Variants in MRPS27 observed in about 807,000 individuals in gnomAD.
The protein encoded by MRPS27 is mitochondrial ribosomal protein S27, also known as small ribosomal subunit protein mS27.
A neutral mutation model predicts 48.9 loss-of-function variants in MRPS27; 43 were observed. The observed-to-expected ratio is 0.88, with a 90% CI of 0.69 to 1.13. MRPS27 has a LOEUF of 1.13. Among genes scored for constraint, MRPS27 ranks in the 50% most tolerant of loss-of-function variants. MRPS27 has a pLI of 0.00. For synonymous variants in MRPS27, 188 were observed against 171.9 expected (o/e 1.09, Z -0.73); for missense variants, 467 against 476.3 (o/e 0.98, Z 0.18).
At chr5:72,260,072 C>T (rs61679621) in intron 4 of MRPS27, among the ~76,000 whole-genome samples, 16,523 of 152,058 alleles carry the variant, frequency 0.11, 2,096 homozygotes, top group African/African-American at 0.31. Flanking sequence ...CATTGTTTAA[C>T]CAGTTTAATA....
chr5:72,242,917 T>C (rs1748400221), intron 4 of MRPS27, among the ~76,000 whole-genome samples: 1 of 152,196 alleles, frequency 6.6e-6, no homozygotes, highest in Non-Finnish European at 1.5e-5. Flanking sequence ...GCCCAGCAGC[T>C]CACAGCTCCA....
chr5:72,243,565 T>G (rs1748421802), intron 4 of MRPS27, among the ~76,000 whole-genome samples: 2 of 152,176 alleles, frequency 1.3e-5, no homozygotes, highest in South Asian at 4.1e-4. Context: ...GCTTGGGATC[T>G]CAGATTCTTA....
chr5:72,276,756 G>A (rs961471613), intron 4 of MRPS27, among the ~76,000 whole-genome samples: 4 of 151,768 alleles, frequency 2.6e-5, no homozygotes, highest in Non-Finnish European at 5.9e-5. Context: ...AAAGCGCCAG[G>A]CGTGGTGGCT....
intron 7 of MRPS27, chr5:72,228,942 CAGGGTGCAA>C (rs1747975412): frequency 6.6e-6 from 1 of 152,190 alleles, no homozygotes; most frequent in African/African-American, 2.4e-5. Context: ...TCTTTCAGCC[CAGGGTGCAA>C]AATTACGCTT....
At chr5:72,289,443 C>T (rs1749761364) in intron 4 of MRPS27, among the ~76,000 whole-genome samples, 1 of 149,932 alleles carries the variant, frequency 6.7e-6, no homozygotes, top group Admixed American at 6.6e-5. Flanking sequence ...TTTTTTGAGA[C>T]AGGGGTCTCA....
chr5:72,264,554 T>A (rs767142309), intron 4 of MRPS27, among the ~76,000 whole-genome samples: 3 of 152,058 alleles, frequency 2.0e-5, no homozygotes, highest in African/African-American at 4.8e-5. Flanking sequence ...TAAGATGAGG[T>A]CTTTGGAGGG....
chr5:72,277,336 C>T (rs993229350), intron 4 of MRPS27, among the ~76,000 whole-genome samples: 4 of 152,068 alleles, frequency 2.6e-5, no homozygotes, highest in African/African-American at 9.7e-5. Flanking sequence ...CCAGAAATAC[C>T]ATTTGACCCA....
At chr5:72,231,245 G>C (rs1046852875) in intron 7 of MRPS27, among the ~76,000 whole-genome samples, 1 of 152,042 alleles carries the variant, frequency 6.6e-6, no homozygotes, top group Non-Finnish European at 1.5e-5. Flanking sequence ...TGCTCACTAA[G>C]TTTTCTGCCA....
At chr5:72,282,342 T>C (rs1219613971) in intron 4 of MRPS27, among the ~76,000 whole-genome samples, 1 of 152,210 alleles carries the variant, frequency 6.6e-6, no homozygotes, top group African/African-American at 2.4e-5. Context: ...TACCAGTTTC[T>C]GAAACGATCT....
At chr5:72,285,278 C>T (rs1171426030) in intron 4 of MRPS27, among the ~76,000 whole-genome samples, 1 of 152,194 alleles carries the variant, frequency 6.6e-6, no homozygotes, top group East Asian at 1.9e-4. Flanking sequence ...AACACTTGCT[C>T]CTGTTTCCTC....
At position 72,303,188 on chromosome 5, in the gene MRPS27, A is replaced by G. The variant is rs190270800; in HGVS notation, c.152-5486T>C. On this transcript the variant is annotated intron_variant, in intron 2 of 10. Transcript: ENST00000261413. ...ACTTTGGCAGGTGACACATATGCTC[A>G]TTATCTTGATCATGGAGATGACTTT... Among the ~76,000 whole-genome samples, 37 of 152,364 alleles carry G rather than the reference A, an allele frequency of 2.4e-4. No individual in the cohort carries two copies. In the East Asian group the frequency reaches 2.7e-3, roughly 11 times the overall value.
At chr5:72,262,415 A>C (rs1749006455) in intron 4 of MRPS27, among the ~76,000 whole-genome samples, 1 of 152,148 alleles carries the variant, frequency 6.6e-6, no homozygotes, top group Non-Finnish European at 1.5e-5. Context: ...TAAAAACCCA[A>C]ACAAACCCAG....
chr5:72,232,645 C>T (rs1249010071), intron 6 of MRPS27, 87 bp from the exon 7 acceptor site: 5 of 917,120 alleles, frequency 5.5e-6, no homozygotes, highest in East Asian at 2.7e-5. Flanking sequence ...ACTCTTAAAA[C>T]GTGGGGCATG....
chr5:72,235,768 T>A (rs1302342041), intron 5 of MRPS27, among the ~76,000 whole-genome samples: 1 of 152,174 alleles, frequency 6.6e-6, no homozygotes, highest in East Asian at 1.9e-4. Flanking sequence ...ACATAAATCC[T>A]TCCTTCCTAG....
At chr5:72,234,242 T>C (rs979675022) in intron 5 of MRPS27, 45 bp from the exon 6 acceptor site, 1 of 1,366,912 alleles carries the variant, frequency 7.3e-7, no homozygotes, top group South Asian at 1.6e-5. Context: ...GAAAATTATC[T>C]AATTTAGTCT....
intron 4 of MRPS27, among the ~76,000 whole-genome samples, chr5:72,276,994 G>C (rs1427776505): frequency 3.9e-5 from 6 of 152,048 alleles, no homozygotes; most frequent in Admixed American, 6.5e-5. Context: ...TCACGCCACT[G>C]CATTCCAGCC....
In MRPS27 at chr5:72,295,572, G is replaced by C. The variant is rs189931929; in HGVS notation, c.240C>G (p.Ser80=). Residue 80 remains serine, a synonymous_variant, in exon 4 of 11, where the codon TCC becomes TCG. Transcript: ENST00000261413. ...CTGCATGATCTATCTCTTCCCGAGA[G>C]GAAATGTTGTCTATAAGCTAAAAGA... The part of the protein sequence containing the change: ...LTISRLIDNI[S]SREEIDHAEY... 8.7e-6 allele frequency: 14 copies of C among 1,610,466 alleles called. No homozygotes were observed. Among genetic ancestry groups the C allele is most frequent in the African/African-American group, 1.3e-5 (1 of 74,970 alleles).
At position 72,228,279 on chromosome 5, in the gene MRPS27, G is replaced by C; in HGVS notation, c.681C>G (p.Gly227=). 6.2e-7 allele frequency: 1 copy of C among 1,612,176 alleles called. No homozygotes were observed. ...CATTTAGCTTACCAAGAAGTGCATA[G>C]CCATACAACTGGGAACTGAAACCCA... ...NSVGFSSQLY[G]YALLGKVELQ... Residue 227 remains glycine, a synonymous_variant, in exon 8 of 11, where the codon GGC becomes GGG. Coordinates refer to ENST00000261413, the MANE Select transcript of MRPS27 (RefSeq NM_015084.3).
intron 9 of MRPS27, among the ~76,000 whole-genome samples, chr5:72,224,931 A>G (rs1404268617): frequency 1.3e-5 from 2 of 152,218 alleles, no homozygotes; most frequent in Non-Finnish European, 2.9e-5. Flanking sequence ...TCATATCAGA[A>G]CAGAAATCCT....
Sources: gnomAD v4.1 joint callset for allele counts (sites outside exome capture counted in the v4.1 genomes callset) on GRCh38, gnomAD v4.1.1 for gene constraint, MANE v1.5 for transcripts, NCBI Gene and HGNC (gene_info 2026-07-23, HGNC 2026-07-21) for gene names.